The following CNN2 variants were observed in gnomAD, a reference collection of about 807,000 sequenced individuals.
CNN2 encodes the protein calponin-2.
In CNN2, 21 loss-of-function variants were observed where a neutral mutation model predicts 31.0. That is an observed-to-expected ratio of 0.68 (90% CI 0.48 to 0.98). CNN2 has a LOEUF of 0.98. Among genes scored for constraint, CNN2 ranks in the 50% least tolerant of loss-of-function variants. The pLI, the probability that CNN2 is intolerant of heterozygous loss-of-function variation, is 0.00. For missense variants in CNN2, 399 were observed against 427.3 expected (o/e 0.93, Z 0.58); for synonymous variants, 165 against 179.6 (o/e 0.92, Z 0.65).
At chr19:1,028,159 G>A (rs2039428333) in intron 1 of CNN2, among the ~76,000 whole-genome samples, 1 of 148,370 alleles carries the variant, frequency 6.7e-6, no homozygotes, top group African/African-American at 2.5e-5. Flanking sequence ...GGGCCACACA[G>A]CCCACAAGTG....
chr19:1,036,318 G>A, intron 5 of CNN2, 72 bp downstream of exon 5: 2 of 1,571,874 alleles, frequency 1.3e-6, no homozygotes, highest in Admixed American at 1.7e-5. Context: ...CAGCAGCATT[G>A]GGGGACAGCG....
At position 1,037,990 on chromosome 19, in the gene CNN2, C is replaced by G. The variant is rs909419946; in HGVS notation, c.*90C>G. On this transcript the variant is annotated 3_prime_UTR_variant, in exon 7 of 7. Transcript: ENST00000263097. Reference sequence around the variant, plus strand: ...TCATCTTTTTTTTTTTTTTCTTAACCCGTTCAGTGCTGCCAGTCAACCAAG... The same window carrying G: ...TCATCTTTTTTTTTTTTTTCTTAACGCGTTCAGTGCTGCCAGTCAACCAAG... The G allele has an allele frequency of 3.3e-6, 4 of 1,199,950 alleles. No individual in the cohort carries two copies. Among genetic ancestry groups the G allele is most frequent in the Non-Finnish European group, 2.3e-6 (2 of 863,968 alleles). The allele number at this position is 1,199,950 out of a possible 1,614,324, so 74.3% of individuals were successfully genotyped here.
chr19:1,029,700 TTTTC>T (rs1373552965), intron 1 of CNN2, among the ~76,000 whole-genome samples: 3 of 139,794 alleles, frequency 2.1e-5, no homozygotes, highest in African/African-American at 6.3e-5. Context: ...TCCTTCTCTC[TTTTC>T]TTTCTTTTTT....
chr19:1,030,847 G>C (rs1004739351), intron 1 of CNN2: 2 of 477,090 alleles, frequency 4.2e-6, no homozygotes, highest in Non-Finnish European at 3.8e-6. Flanking sequence ...GCCGGTTGTC[G>C]GCCTGCTTGG....
At chr19:1,030,371 A>G (rs2039467721) in intron 1 of CNN2, among the ~76,000 whole-genome samples, 1 of 152,124 alleles carries the variant, frequency 6.6e-6, no homozygotes. Context: ...TCACACCTGT[A>G]ATCCCAGCAC....
At chr19:1,035,329 G>A (rs2039563709) in intron 4 of CNN2, among the ~76,000 whole-genome samples, 1 of 152,072 alleles carries the variant, frequency 6.6e-6, no homozygotes, top group Non-Finnish European at 1.5e-5. Context: ...GAATTGGCTG[G>A]GCTGTTAGAG....
chr19:1,036,447 G>C lies in CNN2; in HGVS notation c.539G>C (p.Gly180Ala). ...ACCAACAAATGCGCCAGCCAGTCGGGCATGACTGCCTACGGCACGAGAAGG... is the reference window on the plus strand; with the variant it reads ...ACCAACAAATGCGCCAGCCAGTCGGCCATGACTGCCTACGGCACGAGAAGG... ...MGTNKCASQSGMTAYGTRRHL... is the reference protein window; with the variant it reads ...MGTNKCASQSAMTAYGTRRHL... Residue 180 changes from glycine (G) to alanine (A), a missense_variant, in exon 6 of 7, where the codon GGC (glycine) becomes GCC (alanine). Transcript: ENST00000263097. 1 of 1,613,006 alleles carries C rather than the reference G, an allele frequency of 6.2e-7. No individual in the cohort carries two copies. Among genetic ancestry groups the C allele is most frequent in the Non-Finnish European group, 8.5e-7 (1 of 1,179,218 alleles).
rs572637904 is a variant in CNN2 at position 1,030,788 on chromosome 19, G to C, written c.64-283G>C. On this transcript the variant is annotated intron_variant, in intron 1 of 6. Coordinates refer to ENST00000263097, the MANE Select transcript of CNN2 (RefSeq NM_004368.4). ...CGGGGAGGCAGATCCGGCCAGGTTT[G>C]TCCTGCACCGGGAGTGGATTAGAGC... Among the ~76,000 whole-genome samples, 5 of 152,288 alleles carry C rather than the reference G, an allele frequency of 3.3e-5. No individual in the cohort carries two copies. The East Asian group carries it at 7.7e-4, about 24-fold the overall frequency.
intron 1 of CNN2, among the ~76,000 whole-genome samples, chr19:1,030,325 T>C (rs2039466959): frequency 6.6e-6 from 1 of 151,888 alleles, no homozygotes; most frequent in African/African-American, 2.4e-5. Context: ...CCTTCGGGAG[T>C]TGCTAAGAAG....
chr19:1,031,265 A>T, intron 2 of CNN2, 73 bp downstream of exon 2: 1 of 1,235,868 alleles, frequency 8.1e-7, no homozygotes, highest in South Asian at 1.5e-5. Flanking sequence ...TTTCTTAATT[A>T]AGAAATTTTT....
intron 2 of CNN2, 43 bp from the exon 3 acceptor site, chr19:1,032,349 C>A: frequency 6.2e-7 from 1 of 1,610,908 alleles, no homozygotes; most frequent in South Asian, 1.1e-5. Context: ...CCTCGCTGCT[C>A]ACAGAGGTTT....
chr19:1,036,231 C>G lies in CNN2; in HGVS notation c.492C>G (p.Cys164Trp). 1 of 1,594,200 alleles carries G rather than the reference C, an allele frequency of 6.3e-7. No individual in the cohort carries two copies. Among genetic ancestry groups the G allele is most frequent in the Non-Finnish European group, 8.6e-7 (1 of 1,169,368 alleles). Reference sequence around the variant, plus strand: ...ATGCCACCATGAAGGCTGGCCAGTGCGTCATCGGGCTGCAGGTGGGCGACA... The same window carrying G: ...ATGCCACCATGAAGGCTGGCCAGTGGGTCATCGGGCTGCAGGTGGGCGACA... ...FDDATMKAGQ[C>W]VIGLQMGTNK... Residue 164 changes from cysteine (C) to tryptophan (W), a missense_variant, in exon 5 of 7, where the codon TGC becomes TGG. Physicochemically the swap from Cys to Trp is radical, Grantham distance 215. Transcript: ENST00000263097.
In CNN2 at chr19:1,026,608, GGTCCC is replaced by G. The variant is rs1043547012; in HGVS notation, c.-39_-35del. On this transcript the variant is annotated 5_prime_UTR_variant, in exon 1 of 7. Transcript: ENST00000263097. ...CGTCCCAACCCCGCGCCAGCCCGGC[GGTCCC>G]GTCCCGTCCCGTCCTGTGCGGCCCC... The G allele has an allele frequency of 1.4e-5, 19 of 1,361,122 alleles. No homozygotes were observed. The highest frequency in any genetic ancestry group is 3.3e-5 in the Admixed American group (1 of 29,868). 84.3% of individuals were successfully genotyped at this position (1,361,122 alleles called of 1,614,324 possible).
At chr19:1,035,917 A>G (rs2039574198) in intron 4 of CNN2, 2 of 518,006 alleles carry the variant, frequency 3.9e-6, no homozygotes, top group Non-Finnish European at 6.2e-6. Context: ...GCCAGACTCC[A>G]TCTCAAAAAT....
chr19:1,032,704 C>T lies in CNN2; in HGVS notation c.390+8C>T. 7 of 1,598,312 alleles carry T rather than the reference C, an allele frequency of 4.4e-6. No individual in the cohort carries two copies. Among genetic ancestry groups the T allele is most frequent in the Non-Finnish European group, 6.0e-6 (7 of 1,170,358 alleles). On this transcript the variant is annotated splice_region_variant and intron_variant, in intron 4 of 6. Coordinates refer to ENST00000263097, the MANE Select transcript of CNN2 (RefSeq NM_004368.4). ...CTCGCCCTGGCGGGGAAGGTGAGGC[C>T]CAGAGAGGGGCAGCCACCTGCCCAG...
In CNN2 at chr19:1,036,402, G is replaced by A. The variant is rs771600688; in HGVS notation, c.508-14G>A. The A allele has an allele frequency of 3.0e-5, 48 of 1,611,582 alleles. No homozygotes were observed. Among genetic ancestry groups the A allele is most frequent in the African/African-American group, 2.0e-4 (15 of 74,740 alleles). On this transcript the variant is annotated splice_polypyrimidine_tract_variant and intron_variant, in intron 5 of 6. Coordinates refer to ENST00000263097, the MANE Select transcript of CNN2 (RefSeq NM_004368.4). Reference sequence around the variant, plus strand: ...TTGGGTGCAGTCTGACCTCTCCCACGAACCTCCCTGCAGATGGGCACCAAC... The same window carrying A: ...TTGGGTGCAGTCTGACCTCTCCCACAAACCTCCCTGCAGATGGGCACCAAC...
At chr19:1,026,791 C>T in intron 1 of CNN2, 67 bp downstream of exon 1, 1 of 1,431,264 alleles carries the variant, frequency 7.0e-7, no homozygotes. Context: ...GGTGCAGGAG[C>T]CCCCAGGCGC....
rs531303966 is a variant in CNN2 at position 1,035,939 on chromosome 19, A to C, written c.391-191A>C. On this transcript the variant is annotated intron_variant, in intron 4 of 6. Transcript: ENST00000263097. ...TCCATCTCAAAAATAAAAATAAAAA[A>C]CTGAAACAGCTGTATGATGGGTGTG... 1.4e-4 allele frequency: 116 copies of C among 806,128 alleles called. No homozygotes were observed. The African/African-American group carries it at 1.9e-3, about 13-fold the overall frequency. 49.9% of individuals were successfully genotyped at this position (806,128 alleles called of 1,614,324 possible).
At position 1,037,762 on chromosome 19, in the gene CNN2, G is replaced by A. The variant is rs542809931; in HGVS notation, c.792G>A (p.Leu264=). 10 of 1,611,672 alleles carry A rather than the reference G, an allele frequency of 6.2e-6. No individual in the cohort carries two copies. Among genetic ancestry groups the A allele is most frequent in the South Asian group, 5.5e-5 (5 of 91,008 alleles). The change falls in exon 7 of 7, where the codon CTG becomes CTA. Residue 264 remains leucine, a synonymous_variant. Coordinates refer to ENST00000263097, the MANE Select transcript of CNN2 (RefSeq NM_004368.4). ...ACCAGAGCGGCCAGGTCTTCGGCCT[G>A]GGCCGGCAGATATATGACCCCAAGT... ...GANQSGQVFG[L]GRQIYDPKYC... is the part of the protein sequence containing the mutation.
Sources: gnomAD v4.1 joint callset for allele counts (sites outside exome capture counted in the v4.1 genomes callset) on GRCh38, gnomAD v4.1.1 for gene constraint, MANE v1.5 for transcripts, NCBI Gene and HGNC (gene_info 2026-07-23, HGNC 2026-07-21) for gene names.